The following ABI3BP variants were observed in gnomAD, a reference collection of about 807,000 sequenced individuals.
ABI3BP encodes the protein ABI family member 3 binding protein.
ABI3BP carries 216 observed loss-of-function variants against 268.6 expected under a neutral mutation model. The ratio of observed to expected loss-of-function variants is 0.80; its 90% CI spans 0.72 to 0.90. The LOEUF is 0.90. Ranked by LOEUF, ABI3BP falls within the 40% of genes least tolerant of loss-of-function variation. ABI3BP has a pLI of 0.00. For missense variants in ABI3BP, 2,090 were observed against 2,182.4 expected, an observed-to-expected ratio of 0.96 and a Z score of 0.84; for synonymous variants, 730 against 730.0, an observed-to-expected ratio of 1.00 and a Z score of 0.00.
intron 58 of ABI3BP, among the ~76,000 whole-genome samples, chr3:100,779,532 A>G (rs1290985620): frequency 6.6e-6 from 1 of 152,212 alleles, no homozygotes; most frequent in Non-Finnish European, 1.5e-5. Context: ...TTGGCATAAC[A>G]TATGTTGGTT....
chr3:100,963,162 C>T (rs1344057396), intron 1 of ABI3BP, among the ~76,000 whole-genome samples: 4 of 152,136 alleles, frequency 2.6e-5, no homozygotes, highest in Non-Finnish European at 5.9e-5. Flanking sequence ...TCATCTCCAC[C>T]TCCATTTCCA....
chr3:100,792,901 A>C lies in ABI3BP; in HGVS notation c.3947-133T>G, dbSNP rs2152100844. 1.1e-5 allele frequency: 8 copies of C among 696,486 alleles called. No homozygotes were observed. In the South Asian group the frequency reaches 1.5e-4, roughly 13 times the overall value. 43.1% of individuals were successfully genotyped at this position (696,486 alleles called of 1,614,324 possible). ...GCATTTAGAAATACACTCAGTAATC[A>C]CAATAATTCAAAGTTAGTGGTACAT... On this transcript the variant is annotated intron_variant, in intron 54 of 67. Coordinates refer to ENST00000471714, the MANE Select transcript of ABI3BP (RefSeq NM_001375547.2).
At chr3:100,934,006 A>C (rs1382706684) in intron 1 of ABI3BP, among the ~76,000 whole-genome samples, 2 of 151,968 alleles carry the variant, frequency 1.3e-5, no homozygotes, top group Admixed American at 6.6e-5. Context: ...ATTATACTCT[A>C]AGTTCTGGGG....
chr3:100,792,678 G>C lies in ABI3BP; in HGVS notation c.4024+13C>G, dbSNP rs1397007370. The stretch of plus-strand genomic sequence containing the variant: ...AGGAAAAGTTATTCTCCAGAGGTAG[G>C]GGAGAGGATTACCCTGAGTTGTCTT... On this transcript the variant is annotated intron_variant, in intron 55 of 67. Coordinates refer to ENST00000471714, the MANE Select transcript of ABI3BP (RefSeq NM_001375547.2). The C allele has an allele frequency of 6.8e-6, 11 of 1,608,334 alleles. No individual in the cohort carries two copies. The highest frequency in any genetic ancestry group is 1.3e-5 in the African/African-American group (1 of 74,826).
rs555677385 is a variant in ABI3BP, at chr3:100,949,634, C to T, written c.80-23153G>A. 1.8e-4 allele frequency among the ~76,000 whole-genome samples: 27 copies of T among 152,186 alleles called. No individual in the cohort carries two copies. In the South Asian group the frequency reaches 3.9e-3, roughly 22 times the overall value. ...GATAAGGTATTGATCTTATAAAGTT[C>T]GAGCTCAGTTTTTTAAAATCACATT... On this transcript the variant is annotated intron_variant, in intron 1 of 67. Transcript: ENST00000471714.
intron 10 of ABI3BP, among the ~76,000 whole-genome samples, chr3:100,866,276 C>T (rs903600105): frequency 6.6e-6 from 1 of 152,150 alleles, no homozygotes; most frequent in African/African-American, 2.4e-5. Flanking sequence ...AGATTAATGC[C>T]TCCCCCCTGG....
chr3:100,954,832 G>T (rs182426013), intron 1 of ABI3BP, among the ~76,000 whole-genome samples: 1 of 152,122 alleles, frequency 6.6e-6, no homozygotes, highest in East Asian at 1.9e-4. Context: ...CAGATAAACT[G>T]TCACATAAAT....
At chr3:100,963,001 T>A (rs1025346298) in intron 1 of ABI3BP, among the ~76,000 whole-genome samples, 1 of 152,182 alleles carries the variant, frequency 6.6e-6, no homozygotes, top group Admixed American at 6.5e-5. Context: ...TTTTTGGCCC[T>A]ACATCTGACT....
chr3:100,848,840 T>C lies in ABI3BP; in HGVS notation c.1537A>G (p.Lys513Glu). Residue 513 changes from lysine (K) to glutamate (E), a missense_variant, in exon 18 of 68, where the codon AAA becomes GAA. Coordinates refer to ENST00000471714, the MANE Select transcript of ABI3BP (RefSeq NM_001375547.2). ...QQTTSIPSTP[K>E]RRPRPKPPRT... ...GGCGGTTTGGGCCGGGGGCGTCGTT[T>C]AGGTGTAGAAGGGATAGATGTAGTT... 6.2e-7 allele frequency: 1 copy of C among 1,613,434 alleles called. No homozygotes were observed. Among genetic ancestry groups the C allele is most frequent in the Non-Finnish European group, 8.5e-7 (1 of 1,179,424 alleles).
At chr3:100,814,140 C>A (rs2097940456) in intron 44 of ABI3BP, among the ~76,000 whole-genome samples, 1 of 151,706 alleles carries the variant, frequency 6.6e-6, no homozygotes, top group Non-Finnish European at 1.5e-5. Context: ...GAACAGCCCA[C>A]AAATTCTAAA....
chr3:100,962,201 A>G (rs527870271), intron 1 of ABI3BP, among the ~76,000 whole-genome samples: 1 of 152,258 alleles, frequency 6.6e-6, no homozygotes, highest in South Asian at 2.1e-4. Flanking sequence ...TCAACAGAAA[A>G]TTGAAGTCAC....
At chr3:100,890,493 C>G (rs1320061752) in intron 4 of ABI3BP, among the ~76,000 whole-genome samples, 1 of 152,166 alleles carries the variant, frequency 6.6e-6, no homozygotes, top group Admixed American at 6.5e-5. Flanking sequence ...AGATCTCCAA[C>G]CTTTCCCTTG....
At chr3:100,911,594 A>T (rs1486462865) in intron 2 of ABI3BP, 6 of 673,820 alleles carry the variant, frequency 8.9e-6, no homozygotes, top group Non-Finnish European at 1.3e-5. Context: ...CAAAAAATTT[A>T]GAGCTGTGTG....
chr3:100,920,484 C>T (rs536497550), intron 2 of ABI3BP, among the ~76,000 whole-genome samples: 49 of 152,126 alleles, frequency 3.2e-4, no homozygotes, highest in African/African-American at 1.1e-3. Context: ...AGTGCATTGG[C>T]GTGATCTTGG....
chr3:100,804,910 C>A lies in ABI3BP; in HGVS notation c.3683-44G>T, dbSNP rs747418390. ...ATTGTAAGTCATTTGGTTTCAGCAT[C>A]TTCCAGTCATGCTTAAAACATAAGA... On this transcript the variant is annotated intron_variant, in intron 50 of 67. Coordinates refer to ENST00000471714, the MANE Select transcript of ABI3BP (RefSeq NM_001375547.2). 2.7e-6 allele frequency: 4 copies of A among 1,496,692 alleles called. No homozygotes were observed. In the South Asian group the frequency reaches 4.5e-5, roughly 17 times the overall value. 92.7% of individuals were successfully genotyped at this position (1,496,692 alleles called of 1,614,324 possible).
At chr3:100,848,381 T>G (rs1439624236) in intron 18 of ABI3BP, among the ~76,000 whole-genome samples, 1 of 152,224 alleles carries the variant, frequency 6.6e-6, no homozygotes, top group Non-Finnish European at 1.5e-5. Context: ...TAAACCCCTT[T>G]TGGACACTTG....
At chr3:100,960,261 G>C (rs1324992078) in intron 1 of ABI3BP, among the ~76,000 whole-genome samples, 1 of 152,198 alleles carries the variant, frequency 6.6e-6, no homozygotes, top group Non-Finnish European at 1.5e-5. Context: ...GGGCATTCAA[G>C]AGGGGTAGTA....
At chr3:100,917,610 G>C (rs367694299) in intron 2 of ABI3BP, among the ~76,000 whole-genome samples, 1 of 152,136 alleles carries the variant, frequency 6.6e-6, no homozygotes, top group Non-Finnish European at 1.5e-5. Flanking sequence ...ATGACAAAAA[G>C]GGCCATTAGC....
intron 34 of ABI3BP, 24 bp from the exon 35 acceptor site, chr3:100,825,868 G>C (rs1560495761): frequency 1.3e-6 from 2 of 1,507,388 alleles, no homozygotes; most frequent in South Asian, 1.2e-5. Context: ...ATAAACAAAA[G>C]AGATGGTAAA....
Sources: allele counts gnomAD v4.1 joint callset (sites outside exome capture counted in the v4.1 genomes callset), GRCh38; gene constraint gnomAD v4.1.1; transcripts MANE v1.5; gene names NCBI Gene and HGNC (gene_info 2026-07-23, HGNC 2026-07-21).